The following PFKFB4 variants were observed in gnomAD, a reference collection of about 807,000 sequenced individuals.
The protein encoded by PFKFB4 is 6-phosphofructo-2-kinase/fructose-2,6-biphosphatase 4.
In PFKFB4, 42 loss-of-function variants were observed where a neutral mutation model predicts 62.8. The ratio of observed to expected loss-of-function variants is 0.67; its 90% CI spans 0.52 to 0.86. The LOEUF is 0.86. Among genes scored for constraint, PFKFB4 ranks in the 40% least tolerant of loss-of-function variants. The pLI, the probability that PFKFB4 is intolerant of heterozygous loss-of-function variation, is 0.00. For synonymous variants in PFKFB4, 204 were observed against 240.7 expected, an observed-to-expected ratio of 0.85 and a Z score of 1.41; for missense variants, 475 against 627.2, an observed-to-expected ratio of 0.76 and a Z score of 2.59.
chr3:48,558,644 A>C (rs1211815100), upstream of PFKFB4, among the ~76,000 whole-genome samples: 1 of 151,970 alleles, frequency 6.6e-6, no homozygotes, highest in Non-Finnish European at 1.5e-5. Flanking sequence ...GCCCATCTGG[A>C]CCCTCCCCCA....
rs1295243187 is a variant in PFKFB4 at position 48,535,553 on chromosome 3, C to T, written c.946G>A (p.Val316Met). 1.2e-6 allele frequency: 2 copies of T among 1,614,036 alleles called. No homozygotes were observed. The highest frequency in any genetic ancestry group is 1.7e-6 in the Non-Finnish European group (2 of 1,180,010). Residue 316 changes from valine to methionine, a missense_variant, in exon 9 of 14, where the codon GTG (valine) becomes ATG (methionine). Coordinates refer to ENST00000232375, the MANE Select transcript of PFKFB4 (RefSeq NM_004567.4). ...AGGACCTTCCACTGTTCATAGGGCA[C>T]ACCCAGTGCCTCAGCCGTCTGGATT... is the stretch of plus-strand genomic sequence containing the variant. ...RTIQTAEALG[V>M]PYEQWKVLNE...
At chr3:48,527,474 GA>G (rs2042300059) in intron 9 of PFKFB4, among the ~76,000 whole-genome samples, 1 of 151,910 alleles carries the variant, frequency 6.6e-6, no homozygotes, top group African/African-American at 2.4e-5. Flanking sequence ...ACCAGGAGGT[GA>G]AGTGCTGCTG....
In PFKFB4 at chr3:48,556,629, A is replaced by AACCCC; in HGVS notation, c.97+51_97+52insGGGGT. 2 of 1,496,354 alleles carry AACCCC rather than the reference A, an allele frequency of 1.3e-6. No individual in the cohort carries two copies. Among genetic ancestry groups the AACCCC allele is most frequent in the Non-Finnish European group, 1.8e-6 (2 of 1,109,514 alleles). The allele number at this position is 1,496,354 out of a possible 1,614,324, so 92.7% of individuals were successfully genotyped here. Reference sequence around the variant, plus strand: ...GCGAGACCCCCGCCCAGGCCGCCCTACCCACCCATCCCGGTGCACCTCCCA... The same window carrying AACCCC: ...GCGAGACCCCCGCCCAGGCCGCCCTAACCCCCCCACCCATCCCGGTGCACCTCCCA... On this transcript the variant is annotated intron_variant, in intron 1 of 13. Transcript: ENST00000232375. This position sits in a 1 kb window ranked among gnomAD's most constrained non-coding sequence, Gnocchi z 5.7.
chr3:48,523,657 C>G, intron 11 of PFKFB4, 44 bp downstream of exon 11: 1 of 1,614,114 alleles, frequency 6.2e-7, no homozygotes, highest in Non-Finnish European at 8.5e-7. Context: ...CAGTGCCTAC[C>G]TTCTCACACA....
At chr3:48,530,413 A>G (rs1427186362) in intron 9 of PFKFB4, among the ~76,000 whole-genome samples, 1 of 152,318 alleles carries the variant, frequency 6.6e-6, no homozygotes, top group African/African-American at 2.4e-5. Flanking sequence ...TGACAGTATG[A>G]GCTTTGTTAA....
Position 48,536,360 on chromosome 3 carries a change from G to A in PFKFB4, c.736C>T (p.His246Tyr). ...AGGTAGATGGAGCGGGGGGTCACGT[G>A]GATGTTCATGAGGTAATATACGATG... is the stretch of plus-strand genomic sequence containing the variant. The part of the protein sequence containing the change: ...SRIVYYLMNI[H>Y]VTPRSIYLCR... The change falls in exon 8 of 14, where the codon CAC becomes TAC. Residue 246 changes from histidine to tyrosine, a missense_variant. By Grantham distance (83) the His-to-Tyr change is moderately conservative (BLOSUM62 2). Transcript: ENST00000232375. 1.2e-6 allele frequency: 2 copies of A among 1,614,180 alleles called. No individual in the cohort carries two copies. The highest frequency in any genetic ancestry group is 1.7e-6 in the Non-Finnish European group (2 of 1,179,998).
upstream of PFKFB4, chr3:48,562,914 G>T (rs200363094): frequency 8.1e-6 from 13 of 1,604,820 alleles, no homozygotes; most frequent in South Asian, 1.1e-4. The surrounding 1 kb of genome is among the most constrained non-coding windows in gnomAD (Gnocchi z 4.3). Flanking sequence ...AGGACAATGC[G>T]CGAGCCAGGG....
chr3:48,539,850 A>T, intron 4 of PFKFB4, 79 bp from the exon 5 acceptor site: 1 of 1,120,182 alleles, frequency 8.9e-7, no homozygotes, highest in Non-Finnish European at 1.4e-6. Flanking sequence ...GTGGGCAGTG[A>T]GGGCCGCAGC....
chr3:48,561,231 C>T, upstream of PFKFB4: 1 of 460,648 alleles, frequency 2.2e-6, no homozygotes, highest in African/African-American at 2.1e-5. The surrounding 1 kb of genome is among the most constrained non-coding windows in gnomAD (Gnocchi z 5.2). Flanking sequence ...CCCGCCTCCC[C>T]AGCCCACTGT....
intron 1 of PFKFB4, among the ~76,000 whole-genome samples, chr3:48,555,749 GA>G (rs3831738): frequency 2.0e-5 from 3 of 147,670 alleles, no homozygotes; most frequent in African/African-American, 5.0e-5. Context: ...AAAGAAAAAA[GA>G]AAAAAAAAAG....
intron 4 of PFKFB4, 22 bp downstream of exon 4, chr3:48,543,558 G>A: frequency 6.3e-7 from 1 of 1,596,280 alleles, no homozygotes; most frequent in East Asian, 2.2e-5. Context: ...ACTCCCAGCT[G>A]TCACCAGGGT....
At chr3:48,545,502 A>G (rs960151818) in intron 3 of PFKFB4, among the ~76,000 whole-genome samples, 4 of 152,230 alleles carry the variant, frequency 2.6e-5, no homozygotes, top group Non-Finnish European at 4.4e-5. Context: ...GGCTCTCATC[A>G]GGACGATATG....
chr3:48,522,854 G>A lies in PFKFB4; in HGVS notation c.1285+683C>T, dbSNP rs184213332. ...CGGCTCACTGCAAGTTCCGCCTCCC[G>A]GGTTCATGCCATTCTCCTGCCTCAG... On this transcript the variant is annotated intron_variant, in intron 12 of 13. Transcript: ENST00000232375. 1.5e-3 allele frequency among the ~76,000 whole-genome samples: 224 copies of A among 151,488 alleles called. 1 individual carries two copies. The highest frequency in any genetic ancestry group is 4.9e-3 in the African/African-American group (203 of 41,310).
In PFKFB4 at chr3:48,519,731, CA is replaced by C; in HGVS notation, c.*15del. The C allele has an allele frequency of 6.2e-7, 1 of 1,606,080 alleles. No homozygotes were observed. The highest frequency in any genetic ancestry group is 1.1e-5 in the South Asian group (1 of 90,930). ...GAGAGCAGTGCCTGCCTAGTGGTCA[CA>C]GTGGATGAACATGGTCACTGGTGAG... On this transcript the variant is annotated 3_prime_UTR_variant, in exon 14 of 14. Transcript: ENST00000232375.
Position 48,538,628 on chromosome 3 carries a change from G to C in PFKFB4, c.511-9C>G. 6.2e-7 allele frequency: 1 copy of C among 1,614,126 alleles called. No homozygotes were observed. Among genetic ancestry groups the C allele is most frequent in the Non-Finnish European group, 8.5e-7 (1 of 1,180,022 alleles). On this transcript the variant is annotated splice_polypyrimidine_tract_variant and intron_variant, in intron 6 of 13. Transcript: ENST00000232375. ...CTGCCCAGTTTCACTTGCTGCCGGAGCCAGGCACAGAGAAAGGACATATCA... is the reference window on the plus strand; with the variant it reads ...CTGCCCAGTTTCACTTGCTGCCGGACCCAGGCACAGAGAAAGGACATATCA...
chr3:48,549,780 C>T, intron 3 of PFKFB4, 84 bp downstream of exon 3: 1 of 863,038 alleles, frequency 1.2e-6, no homozygotes, highest in Non-Finnish European at 2.0e-6. Flanking sequence ...AGGGGCTTCT[C>T]AGTAAATGGT....
chr3:48,550,173 G>A lies in PFKFB4; in HGVS notation c.159C>T (p.Thr53=). 6.2e-7 allele frequency: 1 copy of A among 1,614,178 alleles called. No homozygotes were observed. ...VMVGLPARGK[T]YISKKLTRYL... The stretch of plus-strand genomic sequence containing the variant: ...ATCGAGTCAGCTTCTTGGAGATGTA[G>A]GTCTTGCCCCTGGCGGGCAGGCCCA... Residue 53 remains threonine (T), a synonymous_variant, in exon 2 of 14, where the codon ACC becomes ACT. Transcript: ENST00000232375.
At chr3:48,543,298 GAT>G (rs2042852039) in intron 4 of PFKFB4, among the ~76,000 whole-genome samples, 1 of 152,188 alleles carries the variant, frequency 6.6e-6, no homozygotes, top group South Asian at 2.1e-4. Context: ...TAGGCAACCT[GAT>G]ACCTGTAACT....
chr3:48,554,960 GA>G (rs2043266503), intron 1 of PFKFB4, among the ~76,000 whole-genome samples: 1 of 148,250 alleles, frequency 6.7e-6, no homozygotes, highest in African/African-American at 2.5e-5. Flanking sequence ...TGAGGCAGGA[GA>G]ATTGCTTGAA....
Sources: allele counts gnomAD v4.1 joint callset (sites outside exome capture counted in the v4.1 genomes callset), GRCh38; gene constraint gnomAD v4.1.1; non-coding constraint Gnocchi (gnomAD v3.1); transcripts MANE v1.5; gene names NCBI Gene and HGNC (gene_info 2026-07-23, HGNC 2026-07-21).